The following FAM120B variants were observed in gnomAD, a reference collection of about 807,000 sequenced individuals.
The protein encoded by FAM120B is constitutive coactivator of peroxisome proliferator-activated receptor gamma.
Under a neutral mutation model 96.3 loss-of-function variants are expected in FAM120B, and 83 were observed. The ratio of observed to expected loss-of-function variants is 0.86; its 90% CI spans 0.72 to 1.03. FAM120B has a LOEUF of 1.03. FAM120B is among the 50% of genes least tolerant of loss of function. The pLI is 0.00. For synonymous variants in FAM120B, 407 were observed against 402.7 expected (o/e 1.01, Z -0.13); for missense variants, 1,027 against 1,121.2 (o/e 0.92, Z 1.20).
At chr6:170,342,147 T>C (rs1786881565) in intron 4 of FAM120B, among the ~76,000 whole-genome samples, 1 of 152,160 alleles carries the variant, frequency 6.6e-6, no homozygotes, top group South Asian at 2.1e-4. Context: ...GTCTCCAGTT[T>C]TCTGAGTTTT....
chr6:170,334,140 T>G (rs1384224975), intron 4 of FAM120B, among the ~76,000 whole-genome samples: 1 of 152,180 alleles, frequency 6.6e-6, no homozygotes. Context: ...CTCTTCTAAG[T>G]GTTGTTTTTT....
At chr6:170,351,911 G>C (rs943758542) in intron 5 of FAM120B, among the ~76,000 whole-genome samples, 1 of 152,292 alleles carries the variant, frequency 6.6e-6, no homozygotes, top group African/African-American at 2.4e-5. Context: ...CTAGCATCAT[G>C]ATGACAGGAT....
chr6:170,405,524 C>T lies in FAM120B; in HGVS notation c.*773C>T, dbSNP rs1384704082. ...GGCGAGCAAGTTAAAACGGATTTCC[C>T]ATTTAATTTAATTTTCAGACTTCAG... is the stretch of plus-strand genomic sequence containing the variant. On this transcript the variant is annotated 3_prime_UTR_variant, in exon 11 of 11. Transcript: ENST00000476287. 6.6e-6 allele frequency: 1 copy of T among 152,176 alleles called. No homozygotes were observed. The highest frequency in any genetic ancestry group is 1.5e-5 in the Non-Finnish European group (1 of 68,032). 9.4% of individuals were successfully genotyped at this position (152,176 alleles called of 1,614,324 possible).
intron 5 of FAM120B, among the ~76,000 whole-genome samples, chr6:170,349,195 T>A (rs574764927): frequency 6.6e-6 from 1 of 152,314 alleles, no homozygotes; most frequent in South Asian, 2.1e-4. Flanking sequence ...TTTGTCCCAC[T>A]GTTGACAAAG....
At chr6:170,325,452 T>C (rs745362141) in intron 3 of FAM120B, among the ~76,000 whole-genome samples, 1 of 152,078 alleles carries the variant, frequency 6.6e-6, no homozygotes, top group Non-Finnish European at 1.5e-5. Context: ...CCTTATTTTC[T>C]CATTTTCATA....
At chr6:170,298,441 C>A (rs900309535) in intron 1 of FAM120B, 9 of 152,192 alleles carry the variant, frequency 5.9e-5, no homozygotes, top group Admixed American at 5.9e-4. Context: ...TCCCTCTCTC[C>A]ACCACTTCCA....
intron 6 of FAM120B, among the ~76,000 whole-genome samples, chr6:170,382,998 G>A (rs925870097): frequency 1.3e-5 from 2 of 151,622 alleles, no homozygotes; most frequent in African/African-American, 2.4e-5. Flanking sequence ...ACCCACACAA[G>A]TACCACCAGT....
chr6:170,397,405 C>G (rs1441646691), intron 9 of FAM120B, among the ~76,000 whole-genome samples: 4 of 152,216 alleles, frequency 2.6e-5, no homozygotes, highest in Admixed American at 1.3e-4. Context: ...GAGCTGATGC[C>G]AGATGCCTGT....
At chr6:170,361,881 C>T (rs944412565) in intron 6 of FAM120B, among the ~76,000 whole-genome samples, 1 of 152,184 alleles carries the variant, frequency 6.6e-6, no homozygotes, top group Non-Finnish European at 1.5e-5. Flanking sequence ...GCAACCTCCA[C>T]CTCCTGGGTT....
At chr6:170,403,190 T>G (rs1484048518) in intron 9 of FAM120B, among the ~76,000 whole-genome samples, 1 of 152,172 alleles carries the variant, frequency 6.6e-6, no homozygotes, top group Non-Finnish European at 1.5e-5. Context: ...CCTGTGTGTA[T>G]TCTAATTTCA....
intron 1 of FAM120B, among the ~76,000 whole-genome samples, chr6:170,314,921 CTG>C (rs1346543975): frequency 6.6e-6 from 1 of 152,218 alleles, no homozygotes; most frequent in African/African-American, 2.4e-5. Flanking sequence ...ATGATTCAAA[CTG>C]TGAGAAATTG....
At chr6:170,313,514 T>A in intron 1 of FAM120B, among the ~76,000 whole-genome samples, 1 of 152,252 alleles carries the variant, frequency 6.6e-6, no homozygotes, top group South Asian at 2.1e-4. Context: ...TCACCCAAGA[T>A]TATTTAATTT....
At chr6:170,353,488 G>A (rs1157421073) in intron 5 of FAM120B, among the ~76,000 whole-genome samples, 2 of 152,058 alleles carry the variant, frequency 1.3e-5, no homozygotes, top group Non-Finnish European at 2.9e-5. Flanking sequence ...GAACATTGAT[G>A]CAAAAATCCT....
At chr6:170,334,753 A>G (rs968005186) in intron 4 of FAM120B, among the ~76,000 whole-genome samples, 6 of 152,226 alleles carry the variant, frequency 3.9e-5, no homozygotes, top group African/African-American at 1.4e-4. Flanking sequence ...CAAATGTGTT[A>G]ACAAATTCAC....
chr6:170,337,469 C>T (rs1786516088), intron 4 of FAM120B, among the ~76,000 whole-genome samples: 1 of 152,122 alleles, frequency 6.6e-6, no homozygotes, highest in African/African-American at 2.4e-5. Context: ...CGATGTTCAT[C>T]AGAGATATTA....
At position 170,371,899 on chromosome 6, in the gene FAM120B, A is replaced by G. The variant is rs7754821; in HGVS notation, c.2283+13581A>G. Among the ~76,000 whole-genome samples, 693 of 152,286 alleles carry G rather than the reference A, an allele frequency of 4.6e-3. 4 individuals carry two copies. The highest frequency in any genetic ancestry group is 0.016 in the African/African-American group (651 of 41,554). On this transcript the variant is annotated intron_variant, in intron 6 of 10. Transcript: ENST00000476287. Reference sequence around the variant, plus strand: ...AGAAGAGATGGAAACCAAATAACCGAGGGCCTGGCTCAGGACCTTCACGCA... The same window carrying G: ...AGAAGAGATGGAAACCAAATAACCGGGGGCCTGGCTCAGGACCTTCACGCA...
intron 1 of FAM120B, among the ~76,000 whole-genome samples, chr6:170,315,926 G>GAA (rs1448866391): frequency 1.5e-5 from 2 of 137,774 alleles, no homozygotes; most frequent in Admixed American, 7.3e-5. Context: ...GTCTCCACTG[G>GAA]AAAAAAAAAA....
Position 170,352,307 on chromosome 6 carries a change from A to G in FAM120B, c.2190+3984A>G, listed in dbSNP as rs77491168. Among the ~76,000 whole-genome samples the G allele has an allele frequency of 6.3e-3, 954 of 152,122 alleles. 13 individuals carry two copies. Among genetic ancestry groups the G allele is most frequent in the African/African-American group, 0.021 (887 of 41,538 alleles). On this transcript the variant is annotated intron_variant, in intron 5 of 10. Coordinates refer to ENST00000476287, the MANE Select transcript of FAM120B (RefSeq NM_032448.3). Reference sequence around the variant, plus strand: ...CAAAGCAAGTTCTTAGAGACCCACAAAGAGACTCCCACACAATAATAGTGG... The same window carrying G: ...CAAAGCAAGTTCTTAGAGACCCACAGAGAGACTCCCACACAATAATAGTGG...
At chr6:170,385,442 G>A (rs1041199198) in intron 6 of FAM120B, among the ~76,000 whole-genome samples, 8 of 152,212 alleles carry the variant, frequency 5.3e-5, no homozygotes, top group Non-Finnish European at 1.0e-4. Flanking sequence ...CTCAGGGAGT[G>A]TGGTAGGTAG....
Sources: allele counts gnomAD v4.1 joint callset (sites outside exome capture counted in the v4.1 genomes callset), GRCh38; gene constraint gnomAD v4.1.1; transcripts MANE v1.5; gene names NCBI Gene and HGNC (gene_info 2026-07-23, HGNC 2026-07-21).